CFAP20DC: variants seen among roughly 807,000 people sequenced by gnomAD.
The protein encoded by CFAP20DC is CFAP20 domain containing, also known as protein CFAP20DC.
A neutral mutation model predicts 101.7 loss-of-function variants in CFAP20DC; 84 were observed. The ratio of observed to expected loss-of-function variants is 0.83; its 90% CI spans 0.69 to 0.99. CFAP20DC has a LOEUF of 0.99. Ranked by LOEUF, CFAP20DC falls within the 50% of genes least tolerant of loss-of-function variation. CFAP20DC has a pLI of 0.00. For synonymous variants in CFAP20DC, 359 were observed against 351.2 expected (o/e 1.02, Z -0.25); for missense variants, 1,007 against 970.3 (o/e 1.04, Z -0.50).
intron 14 of CFAP20DC, among the ~76,000 whole-genome samples, 192 bp downstream of exon 14, chr3:58,831,494 C>T (rs1402866391): frequency 6.6e-6 from 1 of 152,172 alleles, no homozygotes; most frequent in Non-Finnish European, 1.5e-5. Flanking sequence ...GTAAATAAGA[C>T]AATTTAAGAA....
At chr3:58,935,460 C>T (rs930996960) in intron 5 of CFAP20DC, among the ~76,000 whole-genome samples, 30 of 151,726 alleles carry the variant, frequency 2.0e-4, no homozygotes, top group South Asian at 2.1e-4. Flanking sequence ...GAGCCCGCAT[C>T]GCCAAGTCAA....
chr3:58,958,730 T>C (rs985978868), intron 4 of CFAP20DC, among the ~76,000 whole-genome samples: 7 of 152,256 alleles, frequency 4.6e-5, no homozygotes, highest in African/African-American at 1.7e-4. Context: ...TACTGTCATG[T>C]GGTTTTTAGC....
Position 58,867,825 on chromosome 3 carries a change from GTC to G in CFAP20DC, c.1125_1126del (p.Glu375AspfsTer5). The stretch of plus-strand genomic sequence containing the variant: ...TTGAAATAGTGCCATACCGCTGGGT[GTC>G]TCTGTCCTTTCTCTGCTGGTACTTT... On this transcript the variant is annotated frameshift_variant, in exon 10 of 17. Coordinates refer to ENST00000482387, the MANE Select transcript of CFAP20DC (RefSeq NM_001394063.1). LOFTEE classifies it high-confidence loss of function. The G allele has an allele frequency of 6.2e-6, 10 of 1,613,608 alleles. No individual in the cohort carries two copies. The highest frequency in any genetic ancestry group is 8.5e-6 in the Non-Finnish European group (10 of 1,179,590).
intron 15 of CFAP20DC, among the ~76,000 whole-genome samples, chr3:58,791,273 A>C (rs1300655855): frequency 6.6e-6 from 1 of 152,172 alleles, no homozygotes; most frequent in Non-Finnish European, 1.5e-5. Flanking sequence ...ATTTAATAAA[A>C]ATATATATGC....
chr3:59,039,309 C>T (rs1001400165), intron 4 of CFAP20DC, among the ~76,000 whole-genome samples: 5 of 151,996 alleles, frequency 3.3e-5, no homozygotes, highest in Non-Finnish European at 5.9e-5. Flanking sequence ...CATTTATTGT[C>T]AAAATAATAA....
At chr3:59,047,943 C>T (rs1233200230) in intron 1 of CFAP20DC, among the ~76,000 whole-genome samples, 1 of 152,084 alleles carries the variant, frequency 6.6e-6, no homozygotes, top group Admixed American at 6.5e-5. Flanking sequence ...TTGAGCATTC[C>T]TACAAGATAT....
intron 3 of CFAP20DC, among the ~76,000 whole-genome samples, chr3:59,042,276 G>A (rs1458361955): frequency 6.6e-6 from 1 of 152,068 alleles, no homozygotes; most frequent in Non-Finnish European, 1.5e-5. Flanking sequence ...AGAGACAGAA[G>A]AGGAAATGCA....
intron 15 of CFAP20DC, among the ~76,000 whole-genome samples, chr3:58,767,292 A>AAT (rs1404568810): frequency 2.0e-5 from 3 of 152,134 alleles, no homozygotes; most frequent in African/African-American, 7.2e-5. Context: ...CCATGTATTC[A>AAT]ATATACACAC....
rs371950973 is a variant in CFAP20DC at position 58,964,628 on chromosome 3, AACACCTACCACTT to A, written c.279-26879_279-26867del. Among the ~76,000 whole-genome samples the A allele has an allele frequency of 3.3e-5, 5 of 152,334 alleles. No individual in the cohort carries two copies. Among genetic ancestry groups the A allele is most frequent in the African/African-American group, 1.2e-4 (5 of 41,586 alleles). On this transcript the variant is annotated intron_variant, in intron 4 of 16. Transcript: ENST00000482387. The surrounding 1 kb of genome is among the most constrained non-coding windows in gnomAD (Gnocchi z 4.1). ...TTATAAATGCTGTGATTTTTAAGTT[AACACCTACCACTT>A]ACTAATAATAATTTGAACTACTTAT...
At chr3:59,044,841 T>C (rs1343190005) in intron 3 of CFAP20DC, among the ~76,000 whole-genome samples, 1 of 152,130 alleles carries the variant, frequency 6.6e-6, no homozygotes, top group African/African-American at 2.4e-5. Flanking sequence ...CTACATGTCT[T>C]ACAAAACCAA....
At chr3:58,926,914 CA>C (rs2086050410) in intron 5 of CFAP20DC, among the ~76,000 whole-genome samples, 1 of 152,112 alleles carries the variant, frequency 6.6e-6, no homozygotes, top group Admixed American at 6.5e-5. Context: ...ACTTCTTATT[CA>C]AATGGAATTA....
At chr3:58,767,541 C>T (rs1382025163) in intron 15 of CFAP20DC, among the ~76,000 whole-genome samples, 2 of 152,102 alleles carry the variant, frequency 1.3e-5, no homozygotes, top group African/African-American at 4.8e-5. Context: ...AACTCTTTTG[C>T]ATATCTCTTT....
rs1181278286 is a variant in CFAP20DC at position 58,728,464 on chromosome 3, A to G, written c.198-10836T>C. ...CCTTTACGTGATTTGTAAAAACTTC[A>G]CATGGCTGCAAGAGAAGATATTCTT... is the stretch of plus-strand genomic sequence containing the variant. On this transcript the variant is annotated intron_variant, in intron 3 of 3. Transcript: ENST00000486145. The surrounding 1 kb of genome is among the most constrained non-coding windows in gnomAD (Gnocchi z 4.7). Among the ~76,000 whole-genome samples, 1 of 152,238 alleles carries G rather than the reference A, an allele frequency of 6.6e-6. No individual in the cohort carries two copies. The highest frequency in any genetic ancestry group is 1.5e-5 in the Non-Finnish European group (1 of 68,046).
rs1559701014 is a variant in CFAP20DC, at chr3:58,849,350, C to T, written c.1653G>A (p.Gln551=). 6.5e-7 allele frequency: 1 copy of T among 1,536,074 alleles called. No homozygotes were observed. Among genetic ancestry groups the T allele is most frequent in the East Asian group, 2.4e-5 (1 of 40,922 alleles). ...TCCCCAGCAGGCTCTCTAATGTTAA[C>T]TGAGTTAACTCTGAAGGACCAGTTG... ...GPTTGPSELT[Q]LTLESLLGKA... Residue 551 remains glutamine, a synonymous_variant, in exon 13 of 17, where the codon CAG becomes CAA. Transcript: ENST00000482387.
Position 58,914,551 on chromosome 3 carries a change from A to T in CFAP20DC, c.394-687T>A, listed in dbSNP as rs984665713. On this transcript the variant is annotated intron_variant, in intron 5 of 16. Transcript: ENST00000482387. The surrounding 1 kb of genome is among the most constrained non-coding windows in gnomAD (Gnocchi z 4.9). ...ACAAAGACATATTTAAGACTGTAGG[A>T]CAAAAGCCAGAAAAATAATTTTTGA... Among the ~76,000 whole-genome samples, 2 of 152,056 alleles carry T rather than the reference A, an allele frequency of 1.3e-5. No individual in the cohort carries two copies. The highest frequency in any genetic ancestry group is 4.8e-5 in the African/African-American group (2 of 41,430).
chr3:58,773,017 CTTT>C (rs577204500), intron 15 of CFAP20DC, among the ~76,000 whole-genome samples: 1 of 146,026 alleles, frequency 6.8e-6, no homozygotes, highest in African/African-American at 2.5e-5. Context: ...TTTTTTACTC[CTTT>C]TTTTTTTTCT....
Position 59,032,074 on chromosome 3 carries a change from T to C in CFAP20DC, c.278+7483A>G, listed in dbSNP as rs570582440. On this transcript the variant is annotated intron_variant, in intron 4 of 16. Coordinates refer to ENST00000482387, the MANE Select transcript of CFAP20DC (RefSeq NM_001394063.1). The stretch of plus-strand genomic sequence containing the variant: ...AGCCAAAGCAGGGTAGGGTGTCACC[T>C]CACCTGGGAAGCACAAGGGTTCGGG... 1.9e-4 allele frequency among the ~76,000 whole-genome samples: 29 copies of C among 152,244 alleles called. No homozygotes were observed. The East Asian group carries it at 3.1e-3, about 16-fold the overall frequency.
chr3:58,805,766 T>C (rs1251914668), intron 15 of CFAP20DC, among the ~76,000 whole-genome samples: 1 of 152,224 alleles, frequency 6.6e-6, no homozygotes, highest in African/African-American at 2.4e-5. Flanking sequence ...ACAGCATGTA[T>C]TTCAAAACTC....
rs1235298606 is a variant in CFAP20DC, at chr3:58,717,706, T to C, written c.198-78A>G. On this transcript the variant is annotated intron_variant, in intron 3 of 3. Transcript: ENST00000486145. This position sits in a 1 kb window ranked among gnomAD's most constrained non-coding sequence, Gnocchi z 4.1. ...ATGCCTTTTATTCTGGGTCTGTCCATTGTTATCAGGAAAACAATGCTTTTT... is the reference window on the plus strand; with the variant it reads ...ATGCCTTTTATTCTGGGTCTGTCCACTGTTATCAGGAAAACAATGCTTTTT... 2.5e-6 allele frequency: 1 copy of C among 396,222 alleles called. No homozygotes were observed. Among genetic ancestry groups the C allele is most frequent in the Non-Finnish European group, 5.0e-6 (1 of 201,428 alleles). 24.5% of individuals were successfully genotyped at this position (396,222 alleles called of 1,614,324 possible). A position where few individuals can be genotyped will look rare whatever the true frequency, so the allele number is the denominator to read the frequency against.
Sources: gnomAD v4.1 joint callset for allele counts (sites outside exome capture counted in the v4.1 genomes callset) on GRCh38, gnomAD v4.1.1 for gene constraint, Gnocchi (gnomAD v3.1) non-coding constraint, MANE v1.5 for transcripts, NCBI Gene and HGNC (gene_info 2026-07-23, HGNC 2026-07-21) for gene names.